The following SRRM1 variants were observed in gnomAD, a reference collection of about 807,000 sequenced individuals.
SRRM1 encodes serine/arginine repetitive matrix protein 1.
A neutral mutation model predicts 110.2 loss-of-function variants in SRRM1; 19 were observed. That is an observed-to-expected ratio of 0.17 (90% CI 0.12 to 0.25). The LOEUF is 0.25. SRRM1 is among the 10% of genes least tolerant of loss of function. SRRM1 has a pLI of 1.00. For missense variants in SRRM1, 918 were observed against 1,145.8 expected (o/e 0.80, Z 2.87); for synonymous variants, 443 against 414.9 (o/e 1.07, Z -0.82).
At position 24,643,340 on chromosome 1, in the gene SRRM1, T is replaced by A. The variant is rs780904090; in HGVS notation, c.14T>A (p.Phe5Tyr). Residue 5 changes from phenylalanine (F) to tyrosine (Y), a missense_variant, in exon 1 of 17, where the codon TTT (phenylalanine) becomes TAT (tyrosine). By Grantham distance (22) the Phe-to-Tyr change is conservative. Transcript: ENST00000323848. Reference protein sequence around the residue: MDAGFFRGTSAEQDN... With the variant: MDAGYFRGTSAEQDN... ...CGAGGCGGCAAGATGGACGCGGGAT[T>A]TTTCCGCGTAAGTAGAAGCGCCGGG... The A allele has an allele frequency of 2.6e-6, 4 of 1,553,096 alleles. No individual in the cohort carries two copies. Among genetic ancestry groups the A allele is most frequent in the Non-Finnish European group, 3.5e-6 (4 of 1,154,984 alleles).
chr1:24,645,353 T>C (rs1246196553), intron 1 of SRRM1, among the ~76,000 whole-genome samples: 2 of 152,238 alleles, frequency 1.3e-5, no homozygotes. Context: ...CCGTGTTTAA[T>C]TGGGCCAGTA....
Position 24,651,568 on chromosome 1 carries a change from A to G in SRRM1, c.681A>G (p.Ser227=). Reference sequence around the variant, plus strand: ...AAACTCCAGAGCTCCCAGAACCTTCAGTGAAAGTAAAAGAACCTTCAGTAC... The same window carrying G: ...AAACTCCAGAGCTCCCAGAACCTTCGGTGAAAGTAAAAGAACCTTCAGTAC... The part of the protein sequence containing the change: ...KEKTPELPEP[S]VKVKEPSVQE... The change falls in exon 6 of 17, where the codon TCA becomes TCG. Residue 227 remains serine (S), a synonymous_variant. Coordinates refer to ENST00000323848, the MANE Select transcript of SRRM1 (RefSeq NM_005839.4). The G allele has an allele frequency of 1.2e-6, 2 of 1,613,834 alleles. No homozygotes were observed. The highest frequency in any genetic ancestry group is 1.1e-5 in the South Asian group (1 of 91,018).
At position 24,659,011 on chromosome 1, in the gene SRRM1, T is replaced by C. The variant is rs974640051; in HGVS notation, c.1316-1708T>C. 5.9e-5 allele frequency among the ~76,000 whole-genome samples: 9 copies of C among 152,108 alleles called. 1 individual carries two copies. Among genetic ancestry groups the C allele is most frequent in the African/African-American group, 2.2e-4 (9 of 41,420 alleles). On this transcript the variant is annotated intron_variant, in intron 9 of 16. Coordinates refer to ENST00000323848, the MANE Select transcript of SRRM1 (RefSeq NM_005839.4). ...GAGTTCAAGACCCGCGTGACCAACA[T>C]GGAGAAACCCTGTCTCTACTAAAAA...
rs1661638745 is a variant in SRRM1 at position 24,652,624 on chromosome 1, T to C, written c.916T>C (p.Ser306Pro). Residue 306 changes from serine (S) to proline (P), a missense_variant, in exon 7 of 17, where the codon TCA becomes CCA. Physicochemically the swap from Ser to Pro is moderately conservative, Grantham distance 74 (BLOSUM62 -1). Around this residue, in one of 5 missense-constraint regions of SRRM1, gnomAD observed 456 missense variants for 453.5 expected, o/e 1.01. Transcript: ENST00000323848. ...ACCTAGACGGCGCCATAGATCCCGATCAAGGTGAGTTGTGGCTTTAAGATC... is the reference window on the plus strand; with the variant it reads ...ACCTAGACGGCGCCATAGATCCCGACCAAGGTGAGTTGTGGCTTTAAGATC... ...TRPRRRHRSR[S>P]RSYSPRRRPS... 6.3e-7 allele frequency: 1 copy of C among 1,599,512 alleles called. No individual in the cohort carries two copies. Among genetic ancestry groups the C allele is most frequent in the African/African-American group, 1.3e-5 (1 of 74,076 alleles).
At chr1:24,657,482 A>G (rs527947591) in intron 9 of SRRM1, among the ~76,000 whole-genome samples, 8 of 152,344 alleles carry the variant, frequency 5.3e-5, no homozygotes, top group African/African-American at 1.4e-4. Flanking sequence ...GTATGATTTC[A>G]GAAATTACTT....
intron 12 of SRRM1, among the ~76,000 whole-genome samples, chr1:24,664,236 T>G (rs1044898499): frequency 6.6e-6 from 1 of 152,132 alleles, no homozygotes; most frequent in Non-Finnish European, 1.5e-5. Flanking sequence ...AGTCAGGTGA[T>G]CCACCCGCCT....
chr1:24,669,515 G>C lies in SRRM1; in HGVS notation c.2132G>C (p.Arg711Thr). Residue 711 changes from arginine to threonine, a missense_variant, in exon 14 of 17, where the codon AGG (arginine) becomes ACG (threonine). By Grantham distance (71) the Arg-to-Thr change is moderately conservative. Coordinates refer to ENST00000323848, the MANE Select transcript of SRRM1 (RefSeq NM_005839.4). ...GGAGCGTCGTCATCACCCCAAAGAA[G>C]GCAGTCCCCGTCTCCAAGTACTAGG... ...RRGASSSPQR[R>T]QSPSPSTRPI... 6.2e-7 allele frequency: 1 copy of C among 1,610,378 alleles called. No homozygotes were observed. The highest frequency in any genetic ancestry group is 1.1e-5 in the South Asian group (1 of 90,508).
intron 11 of SRRM1, 30 bp downstream of exon 11, chr1:24,661,426 A>C: frequency 6.5e-7 from 1 of 1,530,012 alleles, no homozygotes; most frequent in Non-Finnish European, 9.0e-7. Flanking sequence ...TTTTTTTTCT[A>C]CCTGTATTTC....
chr1:24,653,956 G>A (rs1429487659), intron 8 of SRRM1, among the ~76,000 whole-genome samples: 1 of 152,130 alleles, frequency 6.6e-6, no homozygotes, highest in Non-Finnish European at 1.5e-5. Flanking sequence ...GTTTTTCAGA[G>A]TCCCATATTT....
chr1:24,662,715 G>A lies in SRRM1; in HGVS notation c.1539G>A (p.Lys513=), dbSNP rs1186900613. The A allele has an allele frequency of 1.2e-6, 2 of 1,614,156 alleles. No individual in the cohort carries two copies. The highest frequency in any genetic ancestry group is 1.7e-5 in the Admixed American group (1 of 60,020). ...AACGACCCAAGAGATCCCATGTGAAGAATGGTGAGGTTGGCAGGCGGCGGA... is the reference window on the plus strand; with the variant it reads ...AACGACCCAAGAGATCCCATGTGAAAAATGGTGAGGTTGGCAGGCGGCGGA... ...EDERPKRSHV[K]NGEVGRRRRH... is the part of the protein sequence containing the mutation. Residue 513 remains lysine, a synonymous_variant, in exon 12 of 17, where the codon AAG becomes AAA. Coordinates refer to ENST00000323848, the MANE Select transcript of SRRM1 (RefSeq NM_005839.4).
At position 24,650,091 on chromosome 1, in the gene SRRM1, C is replaced by A; in HGVS notation, c.521+5C>A. The A allele has an allele frequency of 6.4e-7, 1 of 1,559,862 alleles. No individual in the cohort carries two copies. Among genetic ancestry groups the A allele is most frequent in the Non-Finnish European group, 8.7e-7 (1 of 1,154,668 alleles). On this transcript the variant is annotated splice_donor_5th_base_variant and intron_variant, in intron 5 of 16. Transcript: ENST00000323848. ...GCGGTCTCGTAGCCCAAGAAGGTAT[C>A]ATACAATAGATGCATAACTGATGTT...
At chr1:24,663,486 GCATCAACTTA>G (rs779267248) in intron 12 of SRRM1, among the ~76,000 whole-genome samples, 5 of 152,006 alleles carry the variant, frequency 3.3e-5, no homozygotes, top group African/African-American at 7.3e-5. Flanking sequence ...GTGATAATTT[GCATCAACTTA>G]CATCAAGCAG....
chr1:24,648,824 T>G, intron 3 of SRRM1, 35 bp from the exon 4 acceptor site: 1 of 1,598,686 alleles, frequency 6.3e-7, no homozygotes, highest in Non-Finnish European at 8.5e-7. Flanking sequence ...GGTTTTGAAG[T>G]AACCTGTTTT....
intron 8 of SRRM1, 70 bp downstream of exon 8, chr1:24,653,102 T>A: frequency 1.4e-6 from 2 of 1,424,108 alleles, no homozygotes; most frequent in Non-Finnish European, 1.9e-6. Context: ...TAGGATAATC[T>A]GTAAATTAGT....
At position 24,671,171 on chromosome 1, in the gene SRRM1, AGCTG is replaced by A. The variant is rs1263775129; in HGVS notation, c.2401-213_2401-210del. Among the ~76,000 whole-genome samples, 11 of 152,328 alleles carry A rather than the reference AGCTG, an allele frequency of 7.2e-5. No individual in the cohort carries two copies. In the South Asian group the frequency reaches 2.3e-3, roughly 32 times the overall value. ...TTTGTCTAAGGTCAAATAGTTCAGG[AGCTG>A]GAATTGAGCTCATCCTGGAGATAGC... is the stretch of plus-strand genomic sequence containing the variant. On this transcript the variant is annotated intron_variant, in intron 15 of 16. Coordinates refer to ENST00000323848, the MANE Select transcript of SRRM1 (RefSeq NM_005839.4).
intron 9 of SRRM1, among the ~76,000 whole-genome samples, chr1:24,655,918 C>T (rs1374938357): frequency 6.6e-6 from 1 of 152,074 alleles, no homozygotes; most frequent in Admixed American, 6.5e-5. Flanking sequence ...GGTTAACACA[C>T]GCTGGGGTTA....
At position 24,672,274 on chromosome 1, in the gene SRRM1, C is replaced by T. The variant is rs757631031; in HGVS notation, c.2703C>T (p.Ser901=). The T allele has an allele frequency of 6.5e-5, 105 of 1,603,146 alleles. No homozygotes were observed. The highest frequency in any genetic ancestry group is 8.8e-5 in the Non-Finnish European group (103 of 1,173,834). Residue 901 remains serine (S), a synonymous_variant, in exon 17 of 17, where the codon TCC becomes TCT. Transcript: ENST00000323848. ...GATCAATGAGGAAGGCCCAAGTGTCCCCACAGTCTTAGGGGGAAATGTTTG... is the reference window on the plus strand; with the variant it reads ...GATCAATGAGGAAGGCCCAAGTGTCTCCACAGTCTTAGGGGGAAATGTTTG... ...ALRSMRKAQV[S]PQS is the part of the protein sequence containing the mutation.
At chr1:24,654,448 T>C (rs1662821236) in intron 8 of SRRM1, 1 of 1,008,656 alleles carries the variant, frequency 9.9e-7, no homozygotes, top group Non-Finnish European at 1.3e-6. Flanking sequence ...TTTGCACATC[T>C]TTTTTAAAAA....
chr1:24,665,618 CAGG>C (rs1308596904), intron 12 of SRRM1, among the ~76,000 whole-genome samples: 1 of 152,044 alleles, frequency 6.6e-6, no homozygotes, highest in Non-Finnish European at 1.5e-5. Context: ...GAGGCTGAGG[CAGG>C]AGAATGGTGT....
Sources: allele counts gnomAD v4.1 joint callset (sites outside exome capture counted in the v4.1 genomes callset), GRCh38; gene constraint gnomAD v4.1.1; regional missense constraint gnomAD v4.1.1; transcripts MANE v1.5; gene names NCBI Gene and HGNC (gene_info 2026-07-23, HGNC 2026-07-21).